Variants in NRG3 observed in about 807,000 individuals in gnomAD.
The protein encoded by NRG3 is pro-neuregulin-3, membrane-bound isoform.
A neutral mutation model predicts 66.9 loss-of-function variants in NRG3; 31 were observed. The observed-to-expected ratio is 0.46, with a 90% confidence interval of 0.35 to 0.63. The LOEUF (loss-of-function observed/expected upper bound fraction) is 0.63, where lower values mean the gene tolerates loss of function less well. Among genes scored for constraint, NRG3 ranks in the 20% least tolerant of loss-of-function variants. The pLI, the probability that NRG3 is intolerant of heterozygous loss-of-function variation, is 0.00. For synonymous variants in NRG3, 393 were observed against 359.4 expected (o/e 1.09, Z -1.06); for missense variants, 910 against 878.9 (o/e 1.04, Z -0.45).
intron 3 of NRG3, among the ~76,000 whole-genome samples, chr10:82,825,492 T>A (rs1454026463): frequency 1.3e-5 from 2 of 152,150 alleles, no homozygotes; most frequent in East Asian, 3.9e-4. Flanking sequence ...TACAATATGG[T>A]AATTGAGGAA....
intron 1 of NRG3, among the ~76,000 whole-genome samples, chr10:82,061,489 G>T (rs2064139297): frequency 6.6e-6 from 1 of 152,098 alleles, no homozygotes; most frequent in South Asian, 2.1e-4. Flanking sequence ...TCTCCCCAAG[G>T]TTTTTACAGA....
chr10:82,249,125 C>A (rs1311664774), intron 1 of NRG3, among the ~76,000 whole-genome samples: 1 of 152,072 alleles, frequency 6.6e-6, no homozygotes, highest in Admixed American at 6.6e-5. Context: ...TTTTAGGTTT[C>A]TTTTTGGCCC....
intron 1 of NRG3, among the ~76,000 whole-genome samples, chr10:82,099,079 A>G (rs933094762): frequency 1.3e-5 from 2 of 152,152 alleles, no homozygotes; most frequent in Non-Finnish European, 2.9e-5. Context: ...TAGCATCTTG[A>G]CAGAGCAAAG....
chr10:82,548,043 T>TTG (rs2044046867), intron 2 of NRG3, among the ~76,000 whole-genome samples: 1 of 145,694 alleles, frequency 6.9e-6, no homozygotes, highest in African/African-American at 2.7e-5. Context: ...TGCCACGTTT[T>TTG]TTTTTTTTTT....
intron 2 of NRG3, among the ~76,000 whole-genome samples, chr10:82,580,180 T>C (rs1462951753): frequency 6.6e-6 from 1 of 152,034 alleles, no homozygotes; most frequent in Non-Finnish European, 1.5e-5. Flanking sequence ...AATCCACTTA[T>C]ATAAAATCTG....
intron 1 of NRG3, among the ~76,000 whole-genome samples, chr10:82,031,355 A>G (rs559488440): frequency 6.6e-6 from 1 of 152,232 alleles, no homozygotes; most frequent in South Asian, 2.1e-4. Flanking sequence ...CAGGGTTAAT[A>G]CTTTACAAGT....
chr10:81,991,934 C>T (rs1361943762), intron 1 of NRG3, among the ~76,000 whole-genome samples: 1 of 151,998 alleles, frequency 6.6e-6, no homozygotes, highest in Non-Finnish European at 1.5e-5. Flanking sequence ...AGTTTCTGAG[C>T]ATTAGTCACA....
intron 2 of NRG3, among the ~76,000 whole-genome samples, chr10:82,624,934 A>G (rs1280836424): frequency 6.8e-6 from 1 of 147,748 alleles, no homozygotes; most frequent in East Asian, 2.0e-4. Context: ...ATATATATAT[A>G]TAAAATGTGC....
chr10:82,294,467 G>A (rs1322450005), intron 1 of NRG3, among the ~76,000 whole-genome samples: 1 of 146,550 alleles, frequency 6.8e-6, no homozygotes, highest in African/African-American at 2.5e-5. Flanking sequence ...GTGTGTGTAT[G>A]TGTGTGTTTG....
At chr10:82,895,538 T>G (rs1301552850) in intron 4 of NRG3, among the ~76,000 whole-genome samples, 5 of 145,928 alleles carry the variant, frequency 3.4e-5, no homozygotes, top group African/African-American at 1.3e-4. Context: ...TCACCCAGGC[T>G]GGAGTGCAGT....
chr10:81,877,656 G>A, intron 1 of NRG3: 1 of 1,243,482 alleles, frequency 8.0e-7, no homozygotes, highest in Non-Finnish European at 1.0e-6. Flanking sequence ...CTTTGCTTTG[G>A]AAAAAACCGT....
chr10:82,552,186 G>A (rs1189877931), intron 2 of NRG3, among the ~76,000 whole-genome samples: 1 of 151,998 alleles, frequency 6.6e-6, no homozygotes, highest in Non-Finnish European at 1.5e-5. Context: ...CATATTAGTT[G>A]AAATAATTCT....
At chr10:82,552,331 AT>A (rs1057203932) in intron 2 of NRG3, among the ~76,000 whole-genome samples, 1 of 151,910 alleles carries the variant, frequency 6.6e-6, no homozygotes, top group Admixed American at 6.6e-5. Flanking sequence ...AAAGGTGATC[AT>A]TTTTTTTAAC....
chr10:82,532,732 C>T (rs1847414837), intron 2 of NRG3, among the ~76,000 whole-genome samples: 2 of 151,130 alleles, frequency 1.3e-5, no homozygotes, highest in Non-Finnish European at 3.0e-5. Flanking sequence ...TTGCAATGCA[C>T]ATAGAAGTGC....
chr10:81,892,626 T>G (rs1843127216), intron 1 of NRG3, among the ~76,000 whole-genome samples: 1 of 152,040 alleles, frequency 6.6e-6, no homozygotes, highest in South Asian at 2.1e-4. Context: ...AACATAGCTG[T>G]ACGTGGAGAT....
intron 1 of NRG3, among the ~76,000 whole-genome samples, chr10:82,350,705 A>G (rs539355720): frequency 6.6e-6 from 1 of 152,308 alleles, no homozygotes; most frequent in South Asian, 2.1e-4. Flanking sequence ...TTCCAGTATT[A>G]TTGGAGCTCA....
chr10:82,649,770 TGA>T (rs1300445258), intron 2 of NRG3, among the ~76,000 whole-genome samples: 1 of 152,060 alleles, frequency 6.6e-6, no homozygotes, highest in Non-Finnish European at 1.5e-5. Context: ...GGCATTTTAA[TGA>T]GGGTAGGATG....
intron 2 of NRG3, among the ~76,000 whole-genome samples, chr10:82,451,398 A>G (rs2091012059): frequency 6.6e-6 from 1 of 152,176 alleles, no homozygotes; most frequent in Non-Finnish European, 1.5e-5. Context: ...TCAAATATTT[A>G]AAGAATTGAA....
intron 3 of NRG3, among the ~76,000 whole-genome samples, chr10:82,778,795 A>G (rs570384587): frequency 1.3e-5 from 2 of 152,070 alleles, no homozygotes; most frequent in Admixed American, 1.3e-4. Context: ...CAAAGGCTAA[A>G]TTTCCGAGGA....
Sources: allele counts gnomAD v4.1 joint callset (sites outside exome capture counted in the v4.1 genomes callset), GRCh38; gene constraint gnomAD v4.1.1; transcripts MANE v1.5; gene names NCBI Gene and HGNC (gene_info 2026-07-23, HGNC 2026-07-21).